Variants in HRH1 observed in about 807,000 individuals in gnomAD.
HRH1 encodes the protein histamine H1 receptor.
A neutral mutation model predicts 10.3 loss-of-function variants in HRH1; 6 were observed. The observed-to-expected ratio is 0.58, with a 90% confidence interval of 0.32 to 1.15. The LOEUF is 1.15. HRH1 is among the 50% of genes most tolerant of loss of function. HRH1 has a pLI of 0.05. For synonymous variants in HRH1, 242 were observed against 236.7 expected, an observed-to-expected ratio of 1.02 and a Z score of -0.21; for missense variants, 514 against 615.3, an observed-to-expected ratio of 0.84 and a Z score of 1.74.
intron 1 of HRH1, among the ~76,000 whole-genome samples, chr3:11,173,743 T>TAACATAGAGG (rs1247147195): frequency 6.6e-6 from 1 of 152,192 alleles, no homozygotes; most frequent in African/African-American, 2.4e-5. Flanking sequence ...TTTTTTCATA[T>TAACATAGAGG]AACATAGAGG....
intron 1 of HRH1, among the ~76,000 whole-genome samples, chr3:11,173,445 C>T (rs530585454): frequency 6.6e-6 from 1 of 151,838 alleles, no homozygotes; most frequent in Admixed American, 6.6e-5. Context: ...CTCTGTCGCC[C>T]AGGCTGGAGT....
At chr3:11,197,124 C>CAAA (rs11330219) in intron 1 of HRH1, among the ~76,000 whole-genome samples, 1 of 106,018 alleles carries the variant, frequency 9.4e-6, no homozygotes, top group Admixed American at 1.0e-4. Flanking sequence ...GACTCCATCT[C>CAAA]AAAAAAAAAA....
intron 1 of HRH1, among the ~76,000 whole-genome samples, chr3:11,196,897 C>T (rs1470227899): frequency 2.1e-5 from 3 of 142,244 alleles, no homozygotes; most frequent in East Asian, 2.1e-4. Context: ...ATCACGAGGT[C>T]GGGAGATCGA....
chr3:11,248,180 C>G (rs551414907), intron 1 of HRH1, among the ~76,000 whole-genome samples: 71 of 152,314 alleles, frequency 4.7e-4, no homozygotes, highest in African/African-American at 1.6e-3. Flanking sequence ...AAGGGCTATT[C>G]TGTTTTTCCC....
At chr3:11,256,298 A>T (rs531092049) in intron 1 of HRH1, among the ~76,000 whole-genome samples, 1 of 152,264 alleles carries the variant, frequency 6.6e-6, no homozygotes, top group Non-Finnish European at 1.5e-5. Flanking sequence ...GACCTGGAAA[A>T]GTCTTTAGAG....
chr3:11,177,075 G>A (rs966362526), intron 1 of HRH1, among the ~76,000 whole-genome samples: 10 of 151,186 alleles, frequency 6.6e-5, no homozygotes, highest in East Asian at 2.0e-4. Context: ...CCTGAATGAC[G>A]GAGTGAAACT....
At chr3:11,180,996 C>CACAT (rs1278294732) in intron 1 of HRH1, among the ~76,000 whole-genome samples, 1 of 149,568 alleles carries the variant, frequency 6.7e-6, no homozygotes, top group Non-Finnish European at 1.5e-5. Context: ...CACACACACA[C>CACAT]ACACGGCCAG....
intron 1 of HRH1, among the ~76,000 whole-genome samples, chr3:11,215,393 G>A (rs1055529384): frequency 2.6e-5 from 4 of 152,210 alleles, no homozygotes; most frequent in African/African-American, 9.6e-5. Context: ...AGCAGAAGGT[G>A]TAAAAACGAA....
upstream of HRH1, among the ~76,000 whole-genome samples, chr3:11,153,994 A>G (rs1936713878): frequency 6.6e-6 from 1 of 152,080 alleles, no homozygotes; most frequent in Non-Finnish European, 1.5e-5. Context: ...TGGCGCCCCT[A>G]GCAGGAATGA....
intron 1 of HRH1, among the ~76,000 whole-genome samples, chr3:11,172,246 G>A (rs1415103575): frequency 6.6e-6 from 1 of 152,214 alleles, no homozygotes; most frequent in Non-Finnish European, 1.5e-5. Flanking sequence ...TGAGGGAGTG[G>A]CAATGAAAGT....
intron 1 of HRH1, among the ~76,000 whole-genome samples, chr3:11,254,382 G>A (rs548841120): frequency 6.6e-6 from 1 of 152,210 alleles, no homozygotes; most frequent in Non-Finnish European, 1.5e-5. Context: ...CATATGAGGT[G>A]ACTACAGAAC....
chr3:11,227,600 T>A (rs990636378), intron 1 of HRH1, among the ~76,000 whole-genome samples: 1 of 152,076 alleles, frequency 6.6e-6, no homozygotes, highest in Admixed American at 6.6e-5. Context: ...CTTTTCATTA[T>A]GTAAATACAC....
At chr3:11,228,683 G>A (rs1036713345) in intron 1 of HRH1, among the ~76,000 whole-genome samples, 4 of 152,096 alleles carry the variant, frequency 2.6e-5, no homozygotes, top group South Asian at 4.1e-4. Context: ...TTGGGAGGCC[G>A]AGATGGGTGG....
Position 11,259,726 on chromosome 3 carries a change from C to T in HRH1, c.689C>T (p.Ser230Phe). The stretch of plus-strand genomic sequence containing the variant: ...CAGCACCGGGAGCTCATCAATAGGT[C>T]CCTCCCTTCCTTCTCAGAAATTAAG... ...HCQHRELINRSLPSFSEIKLR... is the reference protein window; with the variant it reads ...HCQHRELINRFLPSFSEIKLR... Residue 230 changes from serine to phenylalanine, a missense_variant, in exon 2 of 2, where the codon TCC becomes TTC. By Grantham distance (155) the Ser-to-Phe change is radical. Coordinates refer to ENST00000431010, the MANE Select transcript of HRH1 (RefSeq NM_001098212.2). The surrounding 1 kb of genome is among the most constrained non-coding windows in gnomAD (Gnocchi z 4.6). 1 of 1,614,022 alleles carries T rather than the reference C, an allele frequency of 6.2e-7. No homozygotes were observed. Among genetic ancestry groups the T allele is most frequent in the Non-Finnish European group, 8.5e-7 (1 of 1,179,960 alleles).
At chr3:11,153,945 T>C (rs1159334254), upstream of HRH1, among the ~76,000 whole-genome samples, 1 of 152,166 alleles carries the variant, frequency 6.6e-6, no homozygotes, top group Non-Finnish European at 1.5e-5. Flanking sequence ...CTACTGTCAA[T>C]CTTGTTCCAC....
chr3:11,210,935 T>G (rs769984859), intron 1 of HRH1, among the ~76,000 whole-genome samples: 36 of 152,144 alleles, frequency 2.4e-4, no homozygotes, highest in Non-Finnish European at 4.9e-4. Flanking sequence ...TTCATTCATT[T>G]ATCATTGATT....
At chr3:11,195,229 C>G (rs538366519) in intron 1 of HRH1, among the ~76,000 whole-genome samples, 2 of 152,322 alleles carry the variant, frequency 1.3e-5, no homozygotes, top group East Asian at 1.9e-4. Context: ...AGCAAAACAT[C>G]GTCAAAAGTG....
chr3:11,253,037 G>A (rs1282935034), intron 1 of HRH1: 3 of 151,968 alleles, frequency 2.0e-5, no homozygotes, highest in Admixed American at 6.6e-5. Context: ...CCTGCTTCTG[G>A]AATTAACAGA....
intron 1 of HRH1, among the ~76,000 whole-genome samples, chr3:11,242,850 T>C (rs765845417): frequency 3.9e-5 from 6 of 152,212 alleles, no homozygotes; most frequent in Non-Finnish European, 7.3e-5. Flanking sequence ...AAAATTATGC[T>C]TACACTTTCT....
Sources: allele counts gnomAD v4.1 joint callset (sites outside exome capture counted in the v4.1 genomes callset), GRCh38; gene constraint gnomAD v4.1.1; non-coding constraint Gnocchi (gnomAD v3.1); transcripts MANE v1.5; gene names NCBI Gene and HGNC (gene_info 2026-07-23, HGNC 2026-07-21).